The following ZNF467 variants were observed in gnomAD, a reference collection of about 807,000 sequenced individuals.
ZNF467 encodes zinc finger protein 467.
In ZNF467, 51 loss-of-function variants were observed where a neutral mutation model predicts 47.8. The observed-to-expected ratio is 1.07, with a 90% confidence interval of 0.85 to 1.35. The LOEUF (loss-of-function observed/expected upper bound fraction) is 1.35, where lower values mean the gene tolerates loss of function less well. Among genes scored for constraint, ZNF467 ranks in the 40% most tolerant of loss-of-function variants. The pLI is 0.00. For synonymous variants in ZNF467, 416 were observed against 372.9 expected (o/e 1.12, Z -1.33); for missense variants, 992 against 858.1 (o/e 1.16, Z -1.95).
At position 149,764,940 on chromosome 7, in the gene ZNF467, G is replaced by A; in HGVS notation, c.1562C>T (p.Ala521Val). 6.3e-7 allele frequency: 1 copy of A among 1,578,250 alleles called. No homozygotes were observed. ...GTTGGTTTTGGAGCTGAAGCTGCGG[G>A]CGCAGACGGCGCAGGCGTGGGGGCG... ...GSRPHACAVC[A>V]RSFSSKTNLV... The change falls in exon 5 of 5, where the codon GCC (alanine) becomes GTC (valine). Residue 521 changes from alanine to valine, a missense_variant. By Grantham distance (64) the Ala-to-Val change is moderately conservative. Coordinates refer to ENST00000302017, the MANE Select transcript of ZNF467 (RefSeq NM_207336.3).
At chr7:149,767,864 A>T (rs1799270498) in intron 4 of ZNF467, among the ~76,000 whole-genome samples, 1 of 152,078 alleles carries the variant, frequency 6.6e-6, no homozygotes, top group African/African-American at 2.4e-5. Flanking sequence ...GCACCCTATT[A>T]TTTGAAGATA....
Position 149,765,937 on chromosome 7 carries a change from C to A in ZNF467, c.565G>T (p.Ala189Ser). Residue 189 changes from alanine (A) to serine (S), a missense_variant, in exon 5 of 5, where the codon GCC becomes TCC. Physicochemically the swap from Ala to Ser is moderately conservative, Grantham distance 99 (BLOSUM62 1). Transcript: ENST00000302017. ...QRLHRGEGPC[A>S]CPDCGRSFTQ... is the part of the protein sequence containing the mutation. The stretch of plus-strand genomic sequence containing the variant: ...AAGCTGCGGCCGCAGTCCGGGCAGG[C>A]GCAGGGGCCCTCGCCCCGGTGCAGC... The A allele has an allele frequency of 6.4e-7, 1 of 1,553,754 alleles. No individual in the cohort carries two copies. The highest frequency in any genetic ancestry group is 8.7e-7 in the Non-Finnish European group (1 of 1,150,032).
In ZNF467 at chr7:149,765,929, CG is replaced by C. The variant is rs776055427; in HGVS notation, c.572del (p.Pro191ArgfsTer41). 6.4e-7 allele frequency: 1 copy of C among 1,555,576 alleles called. No individual in the cohort carries two copies. The highest frequency in any genetic ancestry group is 1.2e-5 in the South Asian group (1 of 85,568). On this transcript the variant is annotated frameshift_variant, in exon 5 of 5. Transcript: ENST00000302017. LOFTEE classifies it high-confidence loss of function. Reference sequence around the variant, plus strand: ...GCTGCGTGAAGCTGCGGCCGCAGTCCGGGCAGGCGCAGGGGCCCTCGCCCCG... The same window carrying C: ...GCTGCGTGAAGCTGCGGCCGCAGTCCGGCAGGCGCAGGGGCCCTCGCCCCG... ...LHRGEGPCAC[P>X]DCGRSFTQRA...
Position 149,769,245 on chromosome 7 carries a change from A to G in ZNF467, c.152-45T>C. The G allele has an allele frequency of 6.7e-7, 1 of 1,500,106 alleles. No individual in the cohort carries two copies. Among genetic ancestry groups the G allele is most frequent in the Non-Finnish European group, 9.0e-7 (1 of 1,117,120 alleles). 92.9% of individuals were successfully genotyped at this position (1,500,106 alleles called of 1,614,324 possible). On this transcript the variant is annotated intron_variant, in intron 3 of 4. Coordinates refer to ENST00000302017, the MANE Select transcript of ZNF467 (RefSeq NM_207336.3). The surrounding 1 kb of genome is among the most constrained non-coding windows in gnomAD (Gnocchi z 5.3). ...CTCAAGGACTCTGGAGACATCACAG[A>G]TGGCCAAAGGGCCCCACTGGTGCTG...
intron 1 of ZNF467, among the ~76,000 whole-genome samples, chr7:149,771,976 C>G (rs1381507527): frequency 6.7e-6 from 1 of 150,050 alleles, no homozygotes; most frequent in South Asian, 2.1e-4. Context: ...TCCCCTCCCC[C>G]TCTCAGACTC....
Position 149,771,078 on chromosome 7 carries a change from T to A in ZNF467, c.-42-4A>T. 1 of 1,613,550 alleles carries A rather than the reference T, an allele frequency of 6.2e-7. No individual in the cohort carries two copies. Among genetic ancestry groups the A allele is most frequent in the Non-Finnish European group, 8.5e-7 (1 of 1,179,630 alleles). ...CCTGGGGATCAGGCCACAGAACCTA[T>A]GGAGAAAAGACAGCCTTGTTCAGAT... On this transcript the variant is annotated splice_region_variant and splice_polypyrimidine_tract_variant and intron_variant, in intron 1 of 4. Coordinates refer to ENST00000302017, the MANE Select transcript of ZNF467 (RefSeq NM_207336.3).
intron 4 of ZNF467, among the ~76,000 whole-genome samples, chr7:149,767,478 T>C (rs1315041757): frequency 6.6e-6 from 1 of 152,252 alleles, no homozygotes; most frequent in Non-Finnish European, 1.5e-5. Flanking sequence ...TGTCTACTTA[T>C]CACACTGTGA....
Position 149,764,982 on chromosome 7 carries a change from G to A in ZNF467, c.1520C>T (p.Ala507Val). 1 of 1,591,698 alleles carries A rather than the reference G, an allele frequency of 6.3e-7. No individual in the cohort carries two copies. Among genetic ancestry groups the A allele is most frequent in the Non-Finnish European group, 8.5e-7 (1 of 1,174,826 alleles). ...SRKSHLGRHQ[A>V]VHTGSRPHAC... ...GTGGGGGCGGCTGCCAGTGTGCACCGCCTGGTGGCGGCCCAGGTGCGACTT... is the reference window on the plus strand; with the variant it reads ...GTGGGGGCGGCTGCCAGTGTGCACCACCTGGTGGCGGCCCAGGTGCGACTT... Residue 507 changes from alanine (A) to valine (V), a missense_variant, in exon 5 of 5, where the codon GCG becomes GTG. By Grantham distance (64) the Ala-to-Val change is moderately conservative (BLOSUM62 0). Coordinates refer to ENST00000302017, the MANE Select transcript of ZNF467 (RefSeq NM_207336.3).
Position 149,765,759 on chromosome 7 carries a change from T to G in ZNF467, c.743A>C (p.Glu248Ala). ...HTGERPYPCAECGKRFSQKIH... is the reference protein window; with the variant it reads ...HTGERPYPCAACGKRFSQKIH... Reference sequence around the variant, plus strand: ...CTTCTGGCTGAAGCGCTTGCCGCACTCCGCGCACGGGTAGGGCCGCTCGCC... The same window carrying G: ...CTTCTGGCTGAAGCGCTTGCCGCACGCCGCGCACGGGTAGGGCCGCTCGCC... Residue 248 changes from glutamate to alanine, a missense_variant, in exon 5 of 5, where the codon GAG becomes GCG. Glu to Ala is a moderately radical substitution (Grantham distance 107, BLOSUM62 -1). Transcript: ENST00000302017. 1 of 1,612,906 alleles carries G rather than the reference T, an allele frequency of 6.2e-7. No individual in the cohort carries two copies. The highest frequency in any genetic ancestry group is 8.5e-7 in the Non-Finnish European group (1 of 1,179,590).
upstream of ZNF467, among the ~76,000 whole-genome samples, chr7:149,775,718 CA>C: frequency 1.2e-5 from 1 of 86,732 alleles, no homozygotes; most frequent in East Asian, 2.5e-4. Context: ...TACACACACA[CA>C]CACACACACA....
At chr7:149,775,630 G>T (rs952258238), upstream of ZNF467, among the ~76,000 whole-genome samples, 1 of 151,978 alleles carries the variant, frequency 6.6e-6, no homozygotes, top group Non-Finnish European at 1.5e-5. Context: ...TACTGGGAAG[G>T]AAATTGAGGC....
In ZNF467 at chr7:149,764,835, G is replaced by A. The variant is rs2117378559; in HGVS notation, c.1667C>T (p.Thr556Ile). The change falls in exon 5 of 5, where the codon ACC becomes ATC. Residue 556 changes from threonine (T) to isoleucine (I), a missense_variant. Physicochemically the swap from Thr to Ile is moderately conservative, Grantham distance 89. Coordinates refer to ENST00000302017, the MANE Select transcript of ZNF467 (RefSeq NM_207336.3). ...PQCGKSFSRK[T>I]HLVRHQLIHG... ...AATGAGCTGGTGCCGCACCAGGTGG[G>A]TCTTGCGGCTGAAGCTCTTTCCGCA... 1.3e-6 allele frequency: 2 copies of A among 1,546,824 alleles called. No homozygotes were observed. The highest frequency in any genetic ancestry group is 1.7e-6 in the Non-Finnish European group (2 of 1,147,076).
rs977305000 is a variant in ZNF467, at chr7:149,764,922, T to G, written c.1580A>C (p.Lys527Thr). The change falls in exon 5 of 5, where the codon AAA (lysine) becomes ACA (threonine). Residue 527 changes from lysine (K) to threonine (T), a missense_variant. Coordinates refer to ENST00000302017, the MANE Select transcript of ZNF467 (RefSeq NM_207336.3). ...CGCCTGGTGGCGGACTAGGTTGGTT[T>G]TGGAGCTGAAGCTGCGGGCGCAGAC... ...CAVCARSFSS[K>T]TNLVRHQAIH... 15 of 1,570,024 alleles carry G rather than the reference T, an allele frequency of 9.6e-6. No individual in the cohort carries two copies. The highest frequency in any genetic ancestry group is 1.2e-5 in the Non-Finnish European group (14 of 1,162,640).
In ZNF467 at chr7:149,764,532, C is replaced by T; in HGVS notation, c.*182G>A. The T allele has an allele frequency of 1.7e-6, 2 of 1,143,136 alleles. No individual in the cohort carries two copies. The highest frequency in any genetic ancestry group is 1.3e-6 in the Non-Finnish European group (1 of 786,648). The allele number at this position is 1,143,136 out of a possible 1,614,324, so 70.8% of individuals were successfully genotyped here. ...TTCCCAGCAAGGGTTCGCTGAGTCTCTGTCCTAGGAGGTCCGAGCTGGGTA... is the reference window on the plus strand; with the variant it reads ...TTCCCAGCAAGGGTTCGCTGAGTCTTTGTCCTAGGAGGTCCGAGCTGGGTA... On this transcript the variant is annotated 3_prime_UTR_variant, in exon 5 of 5. Coordinates refer to ENST00000302017, the MANE Select transcript of ZNF467 (RefSeq NM_207336.3).
At position 149,764,365 on chromosome 7, in the gene ZNF467, T is replaced by A. The variant is rs1799070471; in HGVS notation, c.*349A>T. ...AATTCATTTAGCAGCCCCAGAACTT[T>A]CCGATTTTAACTTTAATGAAACTTT... On this transcript the variant is annotated 3_prime_UTR_variant, in exon 5 of 5. Transcript: ENST00000302017. 1 of 554,560 alleles carries A rather than the reference T, an allele frequency of 1.8e-6. No individual in the cohort carries two copies. The allele number at this position is 554,560 out of a possible 1,614,324, so 34.4% of individuals were successfully genotyped here.
chr7:149,766,169 C>A lies in ZNF467; in HGVS notation c.333G>T (p.Trp111Cys). 1.9e-6 allele frequency: 3 copies of A among 1,569,544 alleles called. No homozygotes were observed. The highest frequency in any genetic ancestry group is 2.6e-6 in the Non-Finnish European group (3 of 1,154,746). ...TGGGAAGTAACGATAGATGCTGGGG[C>A]CATTCGACCTCCTCTTCTGCCTCCT... is the stretch of plus-strand genomic sequence containing the variant. ...EDQEAEEEVE[W>C]PQHLSLLPSP... Residue 111 changes from tryptophan (W) to cysteine (C), a missense_variant, in exon 5 of 5, where the codon TGG (tryptophan) becomes TGT (cysteine). Trp to Cys is a radical substitution (Grantham distance 215). Transcript: ENST00000302017.
intron 1 of ZNF467, 115 bp from the exon 2 acceptor site, chr7:149,771,189 C>T (rs1047191665): frequency 3.9e-6 from 3 of 774,424 alleles, no homozygotes; most frequent in African/African-American, 3.5e-5. Context: ...GGTGACATCC[C>T]CAGGTACAGC....
chr7:149,774,554 A>G (rs141307687), upstream of ZNF467, among the ~76,000 whole-genome samples: 238 of 152,272 alleles, frequency 1.6e-3, 1 homozygote, highest in African/African-American at 5.4e-3. This position sits in a 1 kb window ranked among gnomAD's most constrained non-coding sequence, Gnocchi z 5.7. Context: ...CACAAGGATG[A>G]GTGCCTGGAA....
intron 2 of ZNF467, 54 bp from the exon 3 acceptor site, chr7:149,770,610 A>G (rs1799372794): frequency 2.0e-6 from 3 of 1,471,700 alleles, no homozygotes; most frequent in East Asian, 2.3e-5. Context: ...AGAACAAGTA[A>G]TCAGAGGCGG....
Sources: gnomAD v4.1 joint callset for allele counts (sites outside exome capture counted in the v4.1 genomes callset) on GRCh38, gnomAD v4.1.1 for gene constraint, Gnocchi (gnomAD v3.1) non-coding constraint, MANE v1.5 for transcripts, NCBI Gene and HGNC (gene_info 2026-07-23, HGNC 2026-07-21) for gene names.